The following DST variants were observed in gnomAD, a reference collection of about 807,000 sequenced individuals.
DST encodes dystonin.
DST carries 253 observed loss-of-function variants against 875.2 expected under a neutral mutation model. That is an observed-to-expected ratio of 0.29 (90% CI 0.26 to 0.32). DST has a LOEUF of 0.32. DST is among the 10% of genes least tolerant of loss of function. The pLI is 1.00. For synonymous variants in DST, 3,124 were observed against 3,197.1 expected, an observed-to-expected ratio of 0.98 and a Z score of 0.77; for missense variants, 8,287 against 9,111.6, an observed-to-expected ratio of 0.91 and a Z score of 3.68.
chr6:56,820,191 G>A (rs192687993), intron 4 of DST, among the ~76,000 whole-genome samples: 32 of 152,286 alleles, frequency 2.1e-4, no homozygotes, highest in African/African-American at 7.5e-4. Flanking sequence ...TATAGCAACT[G>A]CAAAATAAGG....
chr6:56,525,598 A>G (rs568103144), intron 69 of DST, among the ~76,000 whole-genome samples: 12 of 152,338 alleles, frequency 7.9e-5, no homozygotes, highest in African/African-American at 2.9e-4. Flanking sequence ...GTCACACACC[A>G]TCACAAGCTC....
intron 4 of DST, among the ~76,000 whole-genome samples, chr6:56,844,834 C>T (rs540069714): frequency 1.3e-5 from 2 of 149,958 alleles, no homozygotes; most frequent in Admixed American, 6.6e-5. Context: ...ATCACGCCAC[C>T]GTATTCCAGC....
chr6:56,595,376 T>C (rs1049670032), intron 47 of DST, among the ~76,000 whole-genome samples: 1 of 152,080 alleles, frequency 6.6e-6, no homozygotes, highest in African/African-American at 2.4e-5. Flanking sequence ...TCAACCACCC[T>C]TACCTAACTC....
At chr6:56,508,376 G>A (rs145500516) in intron 75 of DST, among the ~76,000 whole-genome samples, 153 bp downstream of exon 75, 1 of 151,966 alleles carries the variant, frequency 6.6e-6, no homozygotes, top group African/African-American at 2.4e-5. Context: ...GAAATTTGTG[G>A]GTATACTCTA....
At chr6:56,861,856 G>A (rs1407980803) in intron 3 of DST, 2 of 152,226 alleles carry the variant, frequency 1.3e-5, no homozygotes, top group Non-Finnish European at 2.9e-5. Context: ...CAATTCTGAG[G>A]TGGAAGAAAT....
Position 56,913,001 on chromosome 6 carries a change from ACTC to A in DST, c.217-12383_217-12381del, listed in dbSNP as rs568102208. Among the ~76,000 whole-genome samples the A allele has an allele frequency of 2.6e-5, 4 of 152,224 alleles. No individual in the cohort carries two copies. The South Asian group carries it at 8.3e-4, about 32-fold the overall frequency. On this transcript the variant is annotated intron_variant, in intron 2 of 103. Transcript: ENST00000680361. ...ATAGCTACCTCCTACATAGGGCTCT[ACTC>A]CTCTCTCTGGCAATGTGAGCCTTTC... is the stretch of plus-strand genomic sequence containing the variant.
intron 61 of DST, among the ~76,000 whole-genome samples, chr6:56,549,870 A>C (rs1031407933): frequency 6.6e-6 from 1 of 152,186 alleles, no homozygotes; most frequent in African/African-American, 2.4e-5. Flanking sequence ...TGACAAATAA[A>C]GTTTACACGA....
rs762128348 is a variant in DST, at chr6:56,598,539, T to G, written c.11865A>C (p.Ala3955=). Reference sequence around the variant, plus strand: ...TATCCAGCTCCTTTTTAGACTGTTCTGCTTTTAAATTAAGCTGTTCACACT... The same window carrying G: ...TATCCAGCTCCTTTTTAGACTGTTCGGCTTTTAAATTAAGCTGTTCACACT... ...KIKCEQLNLK[A]EQSKKELDKV... The change falls in exon 46 of 104, where the codon GCA becomes GCC. Residue 3955 remains alanine, a synonymous_variant. Coordinates refer to ENST00000680361, the MANE Select transcript of DST (RefSeq NM_001374736.1). 3 of 1,609,040 alleles carry G rather than the reference T, an allele frequency of 1.9e-6. No individual in the cohort carries two copies. The highest frequency in any genetic ancestry group is 2.5e-6 in the Non-Finnish European group (3 of 1,177,552).
At chr6:56,591,771 A>C (rs1488359170) in intron 49 of DST, among the ~76,000 whole-genome samples, 4 of 151,878 alleles carry the variant, frequency 2.6e-5, no homozygotes, top group Non-Finnish European at 5.9e-5. Flanking sequence ...TCAGGAGTTC[A>C]AGACCAGCCC....
chr6:56,467,583 G>A (rs575047237), intron 98 of DST: 1 of 152,244 alleles, frequency 6.6e-6, no homozygotes, highest in African/African-American at 2.4e-5. Context: ...AAAGGGAAAG[G>A]AGGGGATTTA....
chr6:56,549,900 C>T lies in DST; in HGVS notation c.16608+2284G>A, dbSNP rs114178855. ...ACACGAAGCAGTGCATCATTTTCAT[C>T]AAAAGAATCAGGTTCTGACACTATC... On this transcript the variant is annotated intron_variant, in intron 61 of 103. Transcript: ENST00000680361. Among the ~76,000 whole-genome samples the T allele has an allele frequency of 8.7e-3, 1,328 of 152,228 alleles. 13 individuals carry two copies. The highest frequency in any genetic ancestry group is 0.03 in the African/African-American group (1,252 of 41,556).
chr6:56,662,516 GT>G (rs2099049405), intron 10 of DST, among the ~76,000 whole-genome samples: 1 of 152,176 alleles, frequency 6.6e-6, no homozygotes, highest in Non-Finnish European at 1.5e-5. Context: ...TTGCAACTAG[GT>G]TTGCCAGTCT....
chr6:56,781,016 G>C (rs561670033), intron 4 of DST, among the ~76,000 whole-genome samples: 1 of 152,074 alleles, frequency 6.6e-6, no homozygotes, highest in Non-Finnish European at 1.5e-5. Flanking sequence ...TCTCAGGTTT[G>C]TCAAAGATCA....
At chr6:56,540,531 C>T (rs1271324648) in intron 61 of DST, 2 of 152,648 alleles carry the variant, frequency 1.3e-5, no homozygotes, top group Non-Finnish European at 2.9e-5. Context: ...ACATCACTCT[C>T]CCCTAGATCT....
intron 4 of DST, among the ~76,000 whole-genome samples, chr6:56,811,348 T>C (rs2099759734): frequency 6.6e-6 from 1 of 151,960 alleles, no homozygotes; most frequent in Non-Finnish European, 1.5e-5. Flanking sequence ...AAAAGCCAGG[T>C]CCTCTCCCCC....
At chr6:56,555,912 A>G in intron 59 of DST, 72 bp from the exon 60 acceptor site, 1 of 1,347,314 alleles carries the variant, frequency 7.4e-7, no homozygotes, top group East Asian at 2.6e-5. Flanking sequence ...TTGGTGTCCA[A>G]ACAGACAGAA....
chr6:56,807,005 A>G (rs918647982), intron 4 of DST, among the ~76,000 whole-genome samples: 6 of 152,166 alleles, frequency 3.9e-5, no homozygotes, highest in Admixed American at 3.9e-4. Flanking sequence ...AATATATACT[A>G]CGTTCATAGA....
chr6:56,485,140 T>C (rs1012762904), intron 88 of DST, 172 bp downstream of exon 88: 1 of 654,728 alleles, frequency 1.5e-6, no homozygotes, highest in African/African-American at 1.9e-5. Context: ...CCATCACTTT[T>C]AAAGTTTGCT....
chr6:56,828,682 T>G (rs1310165756), intron 4 of DST, among the ~76,000 whole-genome samples: 2 of 152,178 alleles, frequency 1.3e-5, no homozygotes, highest in African/African-American at 4.8e-5. Context: ...ACCCTCCTTT[T>G]CTGGACTTTA....
Sources: allele counts gnomAD v4.1 joint callset (sites outside exome capture counted in the v4.1 genomes callset), GRCh38; gene constraint gnomAD v4.1.1; transcripts MANE v1.5; gene names NCBI Gene and HGNC (gene_info 2026-07-23, HGNC 2026-07-21).